The following GHRH variants were observed in gnomAD, a reference collection of about 807,000 sequenced individuals.
GHRH encodes the protein somatoliberin.
GHRH carries 7 observed loss-of-function variants against 15.6 expected under a neutral mutation model. The ratio of observed to expected loss-of-function variants is 0.45; its 90% CI spans 0.26 to 0.84. The LOEUF is 0.84. GHRH is among the 40% of genes least tolerant of loss of function. GHRH has a pLI of 0.18. For synonymous variants in GHRH, 54 were observed against 50.4 expected, an observed-to-expected ratio of 1.07 and a Z score of -0.30; for missense variants, 117 against 138.0, an observed-to-expected ratio of 0.85 and a Z score of 0.76.
chr20:37,254,394 C>T (rs2068643824), intron 3 of GHRH, 65 bp from the exon 4 acceptor site: 5 of 1,529,276 alleles, frequency 3.3e-6, no homozygotes, highest in Non-Finnish European at 4.5e-6. Context: ...AGGGGTATAT[C>T]CCTATGCCTA....
rs2146752022 is a variant in GHRH, at chr20:37,258,887, G to A, written c.-19-1979C>T. On this transcript the variant is annotated intron_variant, in intron 1 of 4. Coordinates refer to ENST00000373614, the MANE Select transcript of GHRH (RefSeq NM_021081.6). This position sits in a 1 kb window ranked among gnomAD's most constrained non-coding sequence, Gnocchi z 4.1. ...CCTGAGTAGCTGGGACAGCAGGCAT[G>A]TGCCATCATGCCCAGCTAATTTTGA... is the stretch of plus-strand genomic sequence containing the variant. Among the ~76,000 whole-genome samples, 1 of 152,312 alleles carries A rather than the reference G, an allele frequency of 6.6e-6. No homozygotes were observed. The highest frequency in any genetic ancestry group is 2.4e-5 in the African/African-American group (1 of 41,556).
intron 1 of GHRH, among the ~76,000 whole-genome samples, chr20:37,257,597 A>G (rs2068665051): frequency 6.6e-6 from 1 of 152,198 alleles, no homozygotes. Flanking sequence ...ACCTTCTCTC[A>G]GTGCCCCTCA....
At chr20:37,257,581 C>G (rs2068664961) in intron 1 of GHRH, among the ~76,000 whole-genome samples, 2 of 151,658 alleles carry the variant, frequency 1.3e-5, no homozygotes, top group Non-Finnish European at 2.9e-5. Flanking sequence ...TGGGGAAGGT[C>G]AAAGAACCTT....
chr20:37,252,628 C>T lies in GHRH; in HGVS notation c.309-1397G>A, dbSNP rs190511637. Among the ~76,000 whole-genome samples the T allele has an allele frequency of 7.7e-3, 1,068 of 137,966 alleles. 1 individual carries two copies. The highest frequency in any genetic ancestry group is 0.013 in the Non-Finnish European group (825 of 63,574). 90.5% of individuals were successfully genotyped at this position (137,966 alleles called of 152,430 possible). On this transcript the variant is annotated intron_variant, in intron 4 of 4. Coordinates refer to ENST00000373614, the MANE Select transcript of GHRH (RefSeq NM_021081.6). ...CTAAAAGTACAAAAAATTAGCCGGG[C>T]GTGGTGGCGGGTGCCTGTAATCCCA...
intron 3 of GHRH, among the ~76,000 whole-genome samples, chr20:37,255,934 G>C (rs1358268040): frequency 3.9e-5 from 6 of 152,070 alleles, no homozygotes; most frequent in African/African-American, 1.2e-4. Flanking sequence ...GCTAAGATGG[G>C]AGGGTCGCTT....
At chr20:37,256,527 G>A in intron 2 of GHRH, 29 bp from the exon 3 acceptor site, 1 of 1,437,898 alleles carries the variant, frequency 7.0e-7, no homozygotes, top group Non-Finnish European at 9.8e-7. Flanking sequence ...GGGTCAGAGG[G>A]CGGGGTGGAG....
intron 4 of GHRH, 49 bp from the exon 5 acceptor site, chr20:37,251,280 G>A (rs745395230): frequency 4.5e-6 from 7 of 1,543,634 alleles, no homozygotes; most frequent in Non-Finnish European, 6.2e-6. Flanking sequence ...AGTAAGGGTG[G>A]CTAGAGTGGG....
At chr20:37,254,464 A>G in intron 3 of GHRH, 135 bp from the exon 4 acceptor site, 1 of 867,688 alleles carries the variant, frequency 1.2e-6, no homozygotes, top group Non-Finnish European at 1.9e-6. Context: ...ACACTTAGGG[A>G]GGCAGTATAT....
chr20:37,254,101 G>C, intron 4 of GHRH, 109 bp downstream of exon 4: 3 of 1,158,592 alleles, frequency 2.6e-6, no homozygotes, highest in Non-Finnish European at 3.8e-6. Flanking sequence ...TGGTTTGTTT[G>C]GCAGAGCCCC....
chr20:37,256,804 T>C lies in GHRH; in HGVS notation c.83+3A>G. On this transcript the variant is annotated splice_donor_region_variant and intron_variant, in intron 2 of 4. Coordinates refer to ENST00000373614, the MANE Select transcript of GHRH (RefSeq NM_021081.6). ...GTGGGAACTTTCCCCAGGGTCTGCT[T>C]ACCTGAGGGTCAAAGGGGGAGGTGG... 1 of 1,609,582 alleles carries C rather than the reference T, an allele frequency of 6.2e-7. No individual in the cohort carries two copies.
rs2068667180 is a variant in GHRH at position 37,258,076 on chromosome 20, C to CTTAATT, written c.-19-1169_-19-1168insAATTAA. On this transcript the variant is annotated intron_variant, in intron 1 of 4. Transcript: ENST00000373614. This position sits in a 1 kb window ranked among gnomAD's most constrained non-coding sequence, Gnocchi z 4.1. ...TGTAACTACCCTTAATTGGGGCCTGCGGACAGCATGCTCTGCAATTAGGGG... is the reference window on the plus strand; with the variant it reads ...TGTAACTACCCTTAATTGGGGCCTGCTTAATTGGACAGCATGCTCTGCAATTAGGGG... 6.6e-6 allele frequency among the ~76,000 whole-genome samples: 1 copy of CTTAATT among 152,192 alleles called. No homozygotes were observed. The highest frequency in any genetic ancestry group is 1.5e-5 in the Non-Finnish European group (1 of 68,048).
intron 4 of GHRH, among the ~76,000 whole-genome samples, chr20:37,251,634 G>A (rs983945869): frequency 6.6e-6 from 1 of 152,208 alleles, no homozygotes; most frequent in African/African-American, 2.4e-5. Flanking sequence ...TTCCATGAGA[G>A]CAGGGGTCGC....
At chr20:37,260,510 G>A (rs1038245118) in intron 1 of GHRH, among the ~76,000 whole-genome samples, 2 of 152,034 alleles carry the variant, frequency 1.3e-5, no homozygotes, top group East Asian at 1.9e-4. Context: ...GCTTGAGCCC[G>A]GGAGGTTAAG....
chr20:37,260,502 T>C (rs1465786204), intron 1 of GHRH, among the ~76,000 whole-genome samples: 1 of 152,092 alleles, frequency 6.6e-6, no homozygotes, highest in East Asian at 1.9e-4. Context: ...GGAGGATTGC[T>C]TGAGCCCGGG....
Position 37,257,134 on chromosome 20 carries a change from C to T in GHRH, c.-19-226G>A, listed in dbSNP as rs191733027. Among the ~76,000 whole-genome samples the T allele has an allele frequency of 9.4e-4, 143 of 152,260 alleles. 1 individual carries two copies. In the East Asian group the frequency reaches 0.023, roughly 24 times the overall value. On this transcript the variant is annotated intron_variant, in intron 1 of 4. Coordinates refer to ENST00000373614, the MANE Select transcript of GHRH (RefSeq NM_021081.6). ...TCATTTTCTCCATCTGTAGAATGGG[C>T]GTGATGGAGCTCCCCTGCCAACCAC...
chr20:37,259,516 C>G (rs1223112810), intron 1 of GHRH, among the ~76,000 whole-genome samples: 1 of 152,172 alleles, frequency 6.6e-6, no homozygotes, highest in Non-Finnish European at 1.5e-5. Flanking sequence ...TCAGGCAGAT[C>G]TAGGTCCCCA....
chr20:37,255,686 AG>A (rs1569012084), intron 3 of GHRH, among the ~76,000 whole-genome samples: 4 of 127,992 alleles, frequency 3.1e-5, no homozygotes, highest in African/African-American at 8.3e-5. Flanking sequence ...AAAAAAAAAA[AG>A]AGCTATTAAC....
At chr20:37,257,759 C>G (rs2068665791) in intron 1 of GHRH, among the ~76,000 whole-genome samples, 1 of 152,142 alleles carries the variant, frequency 6.6e-6, no homozygotes, top group Non-Finnish European at 1.5e-5. Flanking sequence ...CTTATTTTCC[C>G]CGGCCATAAA....
chr20:37,256,001 G>A (rs1165289656), intron 3 of GHRH, among the ~76,000 whole-genome samples: 1 of 152,120 alleles, frequency 6.6e-6, no homozygotes, highest in Non-Finnish European at 1.5e-5. Context: ...ACTCCAGCCT[G>A]GGCAACAGAA....
Sources: gnomAD v4.1 joint callset for allele counts (sites outside exome capture counted in the v4.1 genomes callset) on GRCh38, gnomAD v4.1.1 for gene constraint, Gnocchi (gnomAD v3.1) non-coding constraint, MANE v1.5 for transcripts, NCBI Gene and HGNC (gene_info 2026-07-23, HGNC 2026-07-21) for gene names.